Variants in TAFA5 observed in about 807,000 individuals in gnomAD.
TAFA5 encodes the protein TAFA chemokine like family member 5, also known as chemokine-like protein TAFA-5.
A neutral mutation model predicts 15.3 loss-of-function variants in TAFA5; 6 were observed. The ratio of observed to expected loss-of-function variants is 0.39; its 90% confidence interval spans 0.21 to 0.77. TAFA5 has a LOEUF of 0.77. Ranked by LOEUF, TAFA5 falls within the 30% of genes least tolerant of loss-of-function variation. The probability of loss-of-function intolerance (pLI) is 0.41; values close to 1 mark genes in which losing one functional copy is unlikely to be tolerated. For synonymous variants in TAFA5, 103 were observed against 80.7 expected (o/e 1.28, Z -1.48); for missense variants, 161 against 193.1 (o/e 0.83, Z 0.98).
In TAFA5 at chr22:48,489,827, G is replaced by T; in HGVS notation, c.112+123G>T. 2.0e-6 allele frequency: 1 copy of T among 508,510 alleles called. No individual in the cohort carries two copies. 31.5% of individuals were successfully genotyped at this position (508,510 alleles called of 1,614,324 possible). On this transcript the variant is annotated intron_variant, in intron 1 of 3. Coordinates refer to ENST00000402357, the MANE Select transcript of TAFA5 (RefSeq NM_001082967.3). The surrounding 1 kb of genome is among the most constrained non-coding windows in gnomAD (Gnocchi z 5.5). Reference sequence around the variant, plus strand: ...GCGGAGTTACGAGCGCCGGGCGCATGGTCCCCCGAGTCCCGGCCGGTCCAA... The same window carrying T: ...GCGGAGTTACGAGCGCCGGGCGCATTGTCCCCCGAGTCCCGGCCGGTCCAA...
At chr22:48,704,883 G>A (rs1249912440) in intron 2 of TAFA5, among the ~76,000 whole-genome samples, 2 of 152,134 alleles carry the variant, frequency 1.3e-5, no homozygotes, top group Admixed American at 1.3e-4. Flanking sequence ...GGTGCTGATA[G>A]GTTTGGTTCC....
At chr22:48,708,249 G>A (rs981327209) in intron 3 of TAFA5, among the ~76,000 whole-genome samples, 3 of 152,188 alleles carry the variant, frequency 2.0e-5, no homozygotes, top group Admixed American at 6.5e-5. Context: ...GCACGGCGGG[G>A]GTTCTGTGGA....
chr22:48,630,846 G>A (rs1926197936), intron 1 of TAFA5, among the ~76,000 whole-genome samples: 1 of 152,156 alleles, frequency 6.6e-6, no homozygotes, highest in African/African-American at 2.4e-5. Flanking sequence ...GCCCCCCGAG[G>A]AAAAGCAAAG....
At chr22:48,688,288 G>T (rs1248185902) in intron 2 of TAFA5, among the ~76,000 whole-genome samples, 2 of 152,204 alleles carry the variant, frequency 1.3e-5, no homozygotes, top group South Asian at 2.1e-4. Flanking sequence ...ACTATTTAAA[G>T]AAAAAATAAT....
chr22:48,541,881 C>T (rs1452692979), intron 1 of TAFA5, among the ~76,000 whole-genome samples: 1 of 152,190 alleles, frequency 6.6e-6, no homozygotes, highest in East Asian at 1.9e-4. Flanking sequence ...GCTCTGGGCT[C>T]CCCCGGGGCA....
chr22:48,516,336 C>A (rs1921405103), intron 1 of TAFA5, among the ~76,000 whole-genome samples: 1 of 152,106 alleles, frequency 6.6e-6, no homozygotes, highest in African/African-American at 2.4e-5. Context: ...CACAATCCAC[C>A]CCCTTTGTGC....
At chr22:48,695,325 TCA>T (rs1928677259) in intron 2 of TAFA5, among the ~76,000 whole-genome samples, 1 of 152,172 alleles carries the variant, frequency 6.6e-6, no homozygotes, top group African/African-American at 2.4e-5. Flanking sequence ...CCTCCCCAGC[TCA>T]GACAGCTGAG....
chr22:48,595,225 G>A (rs1287310719), intron 1 of TAFA5, among the ~76,000 whole-genome samples: 1 of 152,214 alleles, frequency 6.6e-6, no homozygotes, highest in African/African-American at 2.4e-5. Context: ...GGGATGTGCA[G>A]CCATGGAGCC....
intron 1 of TAFA5, among the ~76,000 whole-genome samples, chr22:48,621,612 C>T (rs1451157074): frequency 6.6e-6 from 1 of 152,170 alleles, no homozygotes; most frequent in Admixed American, 6.5e-5. Flanking sequence ...CAGGGAAGAG[C>T]AGCTCCACTG....
At chr22:48,577,442 C>T (rs1283833149) in intron 1 of TAFA5, among the ~76,000 whole-genome samples, 1 of 152,126 alleles carries the variant, frequency 6.6e-6, no homozygotes, top group Non-Finnish European at 1.5e-5. Context: ...GCGTTGGCCT[C>T]CCCCCGGGCA....
At chr22:48,632,606 C>T (rs1487939738) in intron 1 of TAFA5, among the ~76,000 whole-genome samples, 1 of 152,148 alleles carries the variant, frequency 6.6e-6, no homozygotes, top group Non-Finnish European at 1.5e-5. Flanking sequence ...CTGTGAGCAC[C>T]CTGGGTGTTG....
Position 48,749,921 on chromosome 22 carries a change from C to T in TAFA5, c.*74C>T. ...AGCCCACGTCTCAGCCACAGTTCTC[C>T]ACTCGCCTCGGACTTCACCCGTTCT... On this transcript the variant is annotated 3_prime_UTR_variant, in exon 4 of 4. Transcript: ENST00000402357. The T allele has an allele frequency of 1.4e-6, 2 of 1,399,866 alleles. No homozygotes were observed. The highest frequency in any genetic ancestry group is 2.0e-6 in the Non-Finnish European group (2 of 1,012,680). 86.7% of individuals were successfully genotyped at this position (1,399,866 alleles called of 1,614,324 possible). A position where few individuals can be genotyped will look rare whatever the true frequency, so the allele number is the denominator to read the frequency against.
chr22:48,745,823 C>G (rs1311081762), intron 3 of TAFA5, among the ~76,000 whole-genome samples: 1 of 152,168 alleles, frequency 6.6e-6, no homozygotes, highest in African/African-American at 2.4e-5. Flanking sequence ...CAGGCTGGAG[C>G]TTGGTGTCAG....
chr22:48,666,514 TTACTGAGGCCCGTGACCAGGCAA>T (rs1471243806), intron 2 of TAFA5, among the ~76,000 whole-genome samples: 22 of 148,576 alleles, frequency 1.5e-4, no homozygotes, highest in African/African-American at 5.5e-4. Flanking sequence ...TGACCAGGCG[TTACTGAGGCCCGTGACCAGGCAA>T]TACTGAGACC....
At chr22:48,531,492 G>GTC (rs1921970770) in intron 1 of TAFA5, among the ~76,000 whole-genome samples, 1 of 152,212 alleles carries the variant, frequency 6.6e-6, no homozygotes, top group African/African-American at 2.4e-5. Context: ...GGTCCCTGAG[G>GTC]CCACAGTGGG....
intron 3 of TAFA5, among the ~76,000 whole-genome samples, chr22:48,724,436 C>T (rs888872423): frequency 1.3e-5 from 2 of 152,184 alleles, no homozygotes; most frequent in Non-Finnish European, 2.9e-5. Flanking sequence ...GCTTCTCCAG[C>T]GTTTGGAGGA....
At chr22:48,626,022 G>T (rs1926014716) in intron 1 of TAFA5, among the ~76,000 whole-genome samples, 1 of 152,184 alleles carries the variant, frequency 6.6e-6, no homozygotes, top group African/African-American at 2.4e-5. Context: ...TTGTGGCTTG[G>T]CAGCATCTTG....
intron 1 of TAFA5, among the ~76,000 whole-genome samples, chr22:48,555,229 G>T (rs902852651): frequency 2.0e-5 from 3 of 152,188 alleles, no homozygotes; most frequent in Non-Finnish European, 4.4e-5. Flanking sequence ...AATGGATACT[G>T]GCTGGTGGCA....
At chr22:48,601,988 G>A (rs1328185286) in intron 1 of TAFA5, among the ~76,000 whole-genome samples, 1 of 152,176 alleles carries the variant, frequency 6.6e-6, no homozygotes, top group Non-Finnish European at 1.5e-5. Context: ...TGAGCGGCAT[G>A]CACCTTCCAG....
Sources: gnomAD v4.1 joint callset for allele counts (sites outside exome capture counted in the v4.1 genomes callset) on GRCh38, gnomAD v4.1.1 for gene constraint, Gnocchi (gnomAD v3.1) non-coding constraint, MANE v1.5 for transcripts, NCBI Gene and HGNC (gene_info 2026-07-23, HGNC 2026-07-21) for gene names.